Variants in ADGB observed in about 807,000 individuals in gnomAD.
The protein encoded by ADGB is androglobin.
In ADGB, 172 loss-of-function variants were observed where a neutral mutation model predicts 210.5. That is an observed-to-expected ratio of 0.82 (90% CI 0.72 to 0.93). ADGB has a LOEUF of 0.93. ADGB is among the 40% of genes least tolerant of loss of function. The pLI, the probability that ADGB is intolerant of heterozygous loss-of-function variation, is 0.00. For missense variants in ADGB, 2,025 were observed against 1,964.8 expected (o/e 1.03, Z -0.58); for synonymous variants, 658 against 662.7 (o/e 0.99, Z 0.11).
At chr6:146,715,245 G>A (rs1776716125) in intron 13 of ADGB, 137 bp from the exon 14 acceptor site, 4 of 704,996 alleles carry the variant, frequency 5.7e-6, no homozygotes, top group South Asian at 5.3e-5. Flanking sequence ...AATTTTTTTG[G>A]TAGGTTTTAG....
chr6:146,729,819 C>A (rs1262719133), intron 20 of ADGB, among the ~76,000 whole-genome samples: 41 of 152,148 alleles, frequency 2.7e-4, no homozygotes, highest in Admixed American at 2.7e-3. Flanking sequence ...TCTGGGTTAT[C>A]CAACTTGTTG....
intron 11 of ADGB, among the ~76,000 whole-genome samples, chr6:146,691,506 T>A (rs1246378824): frequency 1.8e-4 from 7 of 38,668 alleles, no homozygotes; most frequent in East Asian, 5.7e-4. Context: ...ATATATTTTT[T>A]TTTTTTTTTT....
intron 25 of ADGB, among the ~76,000 whole-genome samples, chr6:146,742,792 G>T (rs1367942029): frequency 6.6e-6 from 1 of 152,004 alleles, no homozygotes; most frequent in South Asian, 2.1e-4. Flanking sequence ...TCCAACCTGC[G>T]GCCCATAGGC....
At chr6:146,770,570 A>G (rs751405579) in intron 29 of ADGB, 5 of 469,950 alleles carry the variant, frequency 1.1e-5, no homozygotes, top group Non-Finnish European at 2.2e-5. Context: ...ATAAGTGTTT[A>G]ATGAATGAAT....
At position 146,599,011 on chromosome 6, in the gene ADGB, A is replaced by C; in HGVS notation, c.-30A>C. 1 of 1,540,616 alleles carries C rather than the reference A, an allele frequency of 6.5e-7. No homozygotes were observed. The highest frequency in any genetic ancestry group is 1.2e-5 in the South Asian group (1 of 83,488). ...GCGCGCCCGCAGGCTCTTTGCTCAG[A>C]GCTCAGCCCTACATAGATCGGCTTC... On this transcript the variant is annotated 5_prime_UTR_variant, in exon 1 of 36. Coordinates refer to ENST00000397944, the MANE Select transcript of ADGB (RefSeq NM_024694.4).
chr6:146,604,983 A>G (rs1409259530), intron 1 of ADGB, among the ~76,000 whole-genome samples: 1 of 152,130 alleles, frequency 6.6e-6, no homozygotes, highest in Non-Finnish European at 1.5e-5. Flanking sequence ...CAAAAGGCAC[A>G]GGTTAGTGGG....
chr6:146,772,384 A>G (rs1355589662), intron 29 of ADGB, among the ~76,000 whole-genome samples: 1 of 147,324 alleles, frequency 6.8e-6, no homozygotes, highest in Non-Finnish European at 1.5e-5. Flanking sequence ...AAAATATCTC[A>G]ATACTATTAA....
At chr6:146,657,311 G>A (rs1372194198) in intron 5 of ADGB, among the ~76,000 whole-genome samples, 6 of 101,958 alleles carry the variant, frequency 5.9e-5, no homozygotes, top group Non-Finnish European at 1.1e-4. Context: ...GGCAACAAGA[G>A]CAAAACTCCA....
chr6:146,616,167 T>A (rs1281828403), intron 1 of ADGB, among the ~76,000 whole-genome samples: 1 of 152,288 alleles, frequency 6.6e-6, no homozygotes, highest in African/African-American at 2.4e-5. Flanking sequence ...TGATGATTAA[T>A]GATGTTGAAT....
intron 28 of ADGB, among the ~76,000 whole-genome samples, chr6:146,765,833 A>C (rs188699969): frequency 6.6e-6 from 1 of 151,872 alleles, no homozygotes; most frequent in Non-Finnish European, 1.5e-5. Context: ...ATTCAAAAAA[A>C]GAACAGAAAA....
At chr6:146,732,000 T>C (rs368930459) in intron 20 of ADGB, among the ~76,000 whole-genome samples, 1 of 152,148 alleles carries the variant, frequency 6.6e-6, no homozygotes, top group East Asian at 1.9e-4. Flanking sequence ...TGGTCTTTGG[T>C]TCCATATGTA....
chr6:146,802,057 C>T (rs774325972), intron 35 of ADGB, 46 bp downstream of exon 35: 187 of 1,266,978 alleles, frequency 1.5e-4, no homozygotes, highest in Admixed American at 3.7e-4. Flanking sequence ...CAAATTCTTT[C>T]GTAACATTAA....
In ADGB at chr6:146,721,445, C is replaced by G. The variant is rs1329791322; in HGVS notation, c.2035C>G (p.Leu679Val). ...RVSYYLFVDS[L>V]KPIELLVCFS... ...GTCCTACTATCTATTTGTAGATAGT[C>G]TAAAACCTATTGAACTACTGGTTTG... Residue 679 changes from leucine (L) to valine (V), a missense_variant, in exon 17 of 36, where the codon CTA becomes GTA. Coordinates refer to ENST00000397944, the MANE Select transcript of ADGB (RefSeq NM_024694.4). The G allele has an allele frequency of 2.6e-6, 4 of 1,551,264 alleles. No homozygotes were observed. Among genetic ancestry groups the G allele is most frequent in the Non-Finnish European group, 3.5e-6 (4 of 1,146,722 alleles).
At chr6:146,788,670 G>T (rs1476472722) in intron 33 of ADGB, 60 bp downstream of exon 33, 3 of 1,458,120 alleles carry the variant, frequency 2.1e-6, no homozygotes, top group Non-Finnish European at 9.4e-7. Context: ...TTATGGAAAA[G>T]ATTTTAACTT....
chr6:146,790,000 G>A (rs1777931600), intron 33 of ADGB, among the ~76,000 whole-genome samples: 1 of 151,950 alleles, frequency 6.6e-6, no homozygotes, highest in Admixed American at 6.6e-5. Context: ...CTTAAATTCT[G>A]ATATCAAATT....
intron 28 of ADGB, among the ~76,000 whole-genome samples, chr6:146,766,666 T>C (rs1041108615): frequency 3.3e-5 from 5 of 152,046 alleles, no homozygotes; most frequent in Admixed American, 2.0e-4. Flanking sequence ...TTTGGCTTTA[T>C]AGGATAGGTC....
At chr6:146,782,832 TGAG>T (rs1222536170) in intron 30 of ADGB, among the ~76,000 whole-genome samples, 1 of 152,088 alleles carries the variant, frequency 6.6e-6, no homozygotes. Context: ...ATGGCAAACT[TGAG>T]GAGTACAAGC....
chr6:146,645,318 T>G (rs1237570985), intron 3 of ADGB, among the ~76,000 whole-genome samples: 4 of 152,042 alleles, frequency 2.6e-5, no homozygotes, highest in Non-Finnish European at 5.9e-5. Context: ...AGAACACTTT[T>G]ATTTCTGGAT....
At chr6:146,769,442 A>T (rs911400352) in intron 29 of ADGB, among the ~76,000 whole-genome samples, 1 of 152,178 alleles carries the variant, frequency 6.6e-6, no homozygotes, top group South Asian at 2.1e-4. Flanking sequence ...ACATTTTTCT[A>T]TTTATAAAAT....
Sources: allele counts gnomAD v4.1 joint callset (sites outside exome capture counted in the v4.1 genomes callset), GRCh38; gene constraint gnomAD v4.1.1; transcripts MANE v1.5; gene names NCBI Gene and HGNC (gene_info 2026-07-23, HGNC 2026-07-21).